Variants in DAAM1 observed in about 807,000 individuals in gnomAD.
The protein encoded by DAAM1 is disheveled-associated activator of morphogenesis 1.
Under a neutral mutation model 130.0 loss-of-function variants are expected in DAAM1, and 52 were observed. The observed-to-expected ratio is 0.40, with a 90% CI of 0.32 to 0.50. The LOEUF is 0.50. Among genes scored for constraint, DAAM1 ranks in the 20% least tolerant of loss-of-function variants. The probability of loss-of-function intolerance (pLI) is 0.61; values close to 1 mark genes in which losing one functional copy is unlikely to be tolerated. For missense variants in DAAM1, 1,134 were observed against 1,303.8 expected, an observed-to-expected ratio of 0.87 and a Z score of 2.01; for synonymous variants, 452 against 444.5, an observed-to-expected ratio of 1.02 and a Z score of -0.21.
intron 1 of DAAM1, among the ~76,000 whole-genome samples, chr14:59,197,355 G>C (rs1353513583): frequency 6.6e-6 from 1 of 152,242 alleles, no homozygotes; most frequent in Non-Finnish European, 1.5e-5. Flanking sequence ...TTCTGCGTTA[G>C]AGGTACTTTG....
chr14:59,273,393 A>T lies in DAAM1; in HGVS notation c.183+9733A>T, dbSNP rs112461667. ...ATCAAGGAGACTGAAATGAGGGAGC[A>T]TGAAGAGGTGGAGGAAAGAAACATG... is the stretch of plus-strand genomic sequence containing the variant. On this transcript the variant is annotated intron_variant, in intron 2 of 24. Transcript: ENST00000360909. Among the ~76,000 whole-genome samples, 246 of 152,312 alleles carry T rather than the reference A, an allele frequency of 1.6e-3. 1 individual carries two copies. The highest frequency in any genetic ancestry group is 5.6e-3 in the African/African-American group (232 of 41,578).
At chr14:59,212,555 T>C (rs1430943776) in intron 1 of DAAM1, among the ~76,000 whole-genome samples, 3 of 152,222 alleles carry the variant, frequency 2.0e-5, no homozygotes, top group African/African-American at 7.2e-5. Flanking sequence ...ACAGGAGACA[T>C]GTTCTTCCCC....
chr14:59,245,694 A>G (rs1881338104), intron 1 of DAAM1, among the ~76,000 whole-genome samples: 1 of 152,180 alleles, frequency 6.6e-6, no homozygotes, highest in African/African-American at 2.4e-5. Context: ...GGTGACATTA[A>G]TGTACAGAAT....
intron 1 of DAAM1, among the ~76,000 whole-genome samples, chr14:59,203,023 G>A (rs1406185649): frequency 6.7e-6 from 1 of 149,496 alleles, no homozygotes; most frequent in Admixed American, 6.7e-5. Flanking sequence ...ATGGAACCTC[G>A]CTCTGTCACC....
intron 17 of DAAM1, among the ~76,000 whole-genome samples, chr14:59,348,337 A>T (rs938955243): frequency 2.0e-5 from 3 of 149,926 alleles, no homozygotes; most frequent in African/African-American, 7.2e-5. Flanking sequence ...CAACGGGATC[A>T]TGGGCTGTTT....
chr14:59,253,689 A>T (rs560638523), intron 1 of DAAM1, among the ~76,000 whole-genome samples: 1 of 152,210 alleles, frequency 6.6e-6, no homozygotes, highest in African/African-American at 2.4e-5. Flanking sequence ...CCATGATAAA[A>T]TACAGTTATA....
At chr14:59,354,592 T>A (rs564832782) in intron 19 of DAAM1, among the ~76,000 whole-genome samples, 1 of 152,196 alleles carries the variant, frequency 6.6e-6, no homozygotes, top group African/African-American at 2.4e-5. Context: ...CCTTAGTAGC[T>A]TTTTTAAAGG....
At chr14:59,205,214 A>G (rs1050461258) in intron 1 of DAAM1, among the ~76,000 whole-genome samples, 1 of 152,236 alleles carries the variant, frequency 6.6e-6, no homozygotes, top group African/African-American at 2.4e-5. Context: ...TTGATGTCTT[A>G]TACTATCTGG....
chr14:59,227,413 G>C (rs940478539), intron 1 of DAAM1, among the ~76,000 whole-genome samples: 2 of 152,200 alleles, frequency 1.3e-5, no homozygotes, highest in African/African-American at 4.8e-5. Context: ...CACTGAGACG[G>C]CCATGAGATT....
At chr14:59,301,580 A>G (rs1884174230) in intron 3 of DAAM1, among the ~76,000 whole-genome samples, 1 of 152,096 alleles carries the variant, frequency 6.6e-6, no homozygotes, top group Non-Finnish European at 1.5e-5. Context: ...GGCATTTGCC[A>G]CTTCCCTGGT....
chr14:59,211,463 A>G (rs1386899957), intron 1 of DAAM1, among the ~76,000 whole-genome samples: 1 of 152,192 alleles, frequency 6.6e-6, no homozygotes, highest in African/African-American at 2.4e-5. Context: ...TTACAAGAGG[A>G]TTCTCTGGAG....
chr14:59,307,724 C>A (rs1463065141), intron 3 of DAAM1, among the ~76,000 whole-genome samples: 1 of 152,040 alleles, frequency 6.6e-6, no homozygotes, highest in Non-Finnish European at 1.5e-5. Flanking sequence ...GGAAAAAATT[C>A]CTATGATATG....
At chr14:59,303,621 G>A (rs1307492971) in intron 3 of DAAM1, among the ~76,000 whole-genome samples, 2 of 152,176 alleles carry the variant, frequency 1.3e-5, no homozygotes, top group Non-Finnish European at 2.9e-5. Context: ...ATAGGGCCAG[G>A]TGCGATGGCT....
At chr14:59,216,320 TTGAG>T (rs943380416) in intron 1 of DAAM1, among the ~76,000 whole-genome samples, 5 of 152,298 alleles carry the variant, frequency 3.3e-5, no homozygotes, top group South Asian at 4.1e-4. Flanking sequence ...TAAAATGACT[TTGAG>T]TGTGTGTGTG....
Position 59,324,477 on chromosome 14 carries a change from G to A in DAAM1, c.989+23G>A, listed in dbSNP as rs775062758. ...TAGGTAAGTCAGACTATTATGATGT[G>A]AGAAAGTTTCTGTGTTTCCCATCTG... On this transcript the variant is annotated intron_variant, in intron 8 of 24. Transcript: ENST00000360909. 9 of 1,488,000 alleles carry A rather than the reference G, an allele frequency of 6.0e-6. No individual in the cohort carries two copies. The Admixed American group carries it at 9.8e-5, about 16-fold the overall frequency. The allele number at this position is 1,488,000 out of a possible 1,614,324, so 92.2% of individuals were successfully genotyped here.
intron 16 of DAAM1, among the ~76,000 whole-genome samples, chr14:59,344,017 T>A (rs1289193333): frequency 3.3e-5 from 5 of 152,180 alleles, no homozygotes; most frequent in Non-Finnish European, 1.5e-5. Context: ...TACTCTGTTT[T>A]ATTCCCCAAA....
At chr14:59,227,403 CACTGAG>C (rs1315725543) in intron 1 of DAAM1, among the ~76,000 whole-genome samples, 1 of 152,206 alleles carries the variant, frequency 6.6e-6, no homozygotes, top group Non-Finnish European at 1.5e-5. Flanking sequence ...TACGTAGTTT[CACTGAG>C]ACGGCCATGA....
At chr14:59,246,004 G>A (rs1240051461) in intron 1 of DAAM1, among the ~76,000 whole-genome samples, 1 of 152,182 alleles carries the variant, frequency 6.6e-6, no homozygotes, top group Admixed American at 6.5e-5. Context: ...CTGATTAATT[G>A]AGATAATTAA....
At chr14:59,237,994 T>C (rs1310525488) in intron 1 of DAAM1, among the ~76,000 whole-genome samples, 1 of 152,190 alleles carries the variant, frequency 6.6e-6, no homozygotes, top group African/African-American at 2.4e-5. Context: ...TAGAGAGCAA[T>C]AGTAGAGGCA....
Sources: allele counts gnomAD v4.1 joint callset (sites outside exome capture counted in the v4.1 genomes callset), GRCh38; gene constraint gnomAD v4.1.1; transcripts MANE v1.5; gene names NCBI Gene and HGNC (gene_info 2026-07-23, HGNC 2026-07-21).